Variants in PALS2 observed in about 807,000 individuals in gnomAD.
PALS2 encodes the protein protein associated with LIN7 2, MAGUK p55 family member, also known as protein PALS2.
PALS2 carries 27 observed loss-of-function variants against 61.6 expected under a neutral mutation model. That is an observed-to-expected ratio of 0.44 (90% confidence interval 0.32 to 0.60). The LOEUF is 0.60. Ranked by LOEUF, PALS2 falls within the 20% of genes least tolerant of loss-of-function variation. The pLI is 0.05. For missense variants in PALS2, 554 were observed against 639.4 expected, an observed-to-expected ratio of 0.87 and a Z score of 1.44; for synonymous variants, 236 against 218.6, an observed-to-expected ratio of 1.08 and a Z score of -0.70.
Position 24,596,297 on chromosome 7 carries a change from G to A in PALS2, c.-3+22704G>A, listed in dbSNP as rs1783521533. 6.6e-6 allele frequency among the ~76,000 whole-genome samples: 1 copy of A among 152,062 alleles called. No homozygotes were observed. The highest frequency in any genetic ancestry group is 2.4e-5 in the African/African-American group (1 of 41,406). On this transcript the variant is annotated intron_variant, in intron 1 of 11. Transcript: ENST00000222644. This position sits in a 1 kb window ranked among gnomAD's most constrained non-coding sequence, Gnocchi z 4.5. ...CAGTGAATGGGCAAGGGAGTCAGAT[G>A]GCTTTTCTTCAGTCACCTCCATTGT...
chr7:24,624,116 G>C (rs1004792045), intron 2 of PALS2: 6 of 1,311,914 alleles, frequency 4.6e-6, no homozygotes, highest in Non-Finnish European at 6.0e-6. Flanking sequence ...GCAAAGTACT[G>C]ATTTTCTTCT....
chr7:24,619,610 C>T (rs111304584), intron 1 of PALS2, among the ~76,000 whole-genome samples: 4 of 150,254 alleles, frequency 2.7e-5, no homozygotes, highest in South Asian at 4.2e-4. Context: ...CCCAGCTACT[C>T]GGGAGGCTGA....
Position 24,693,079 on chromosome 7 carries a change from T to A in PALS2, c.*5465T>A, listed in dbSNP as rs981197590. On this transcript the variant is annotated 3_prime_UTR_variant, in exon 12 of 12. Transcript: ENST00000222644. The stretch of plus-strand genomic sequence containing the variant: ...GAAGGGATAGTTCTCTTCCTTTTTT[T>A]CCCCTCCTACTGGCTCTTACTGTTT... 2 of 152,144 alleles carry A rather than the reference T, an allele frequency of 1.3e-5. No individual in the cohort carries two copies. Among genetic ancestry groups the A allele is most frequent in the Non-Finnish European group, 2.9e-5 (2 of 67,996 alleles). The allele number at this position is 152,144 out of a possible 1,614,324, so 9.4% of individuals were successfully genotyped here. A position where few individuals can be genotyped will look rare whatever the true frequency, so the allele number is the denominator to read the frequency against.
At chr7:24,649,342 G>T (rs537252332) in intron 3 of PALS2, among the ~76,000 whole-genome samples, 2 of 152,110 alleles carry the variant, frequency 1.3e-5, no homozygotes, top group Non-Finnish European at 2.9e-5. Flanking sequence ...TCAGTTTCCA[G>T]TGAACTTGCC....
At chr7:24,590,328 C>T (rs781530769) in intron 1 of PALS2, among the ~76,000 whole-genome samples, 27 of 152,066 alleles carry the variant, frequency 1.8e-4, no homozygotes, top group Admixed American at 2.6e-4. Flanking sequence ...GCTCTTGCTT[C>T]GCTGGGTTTT....
rs1050991960 is a variant in PALS2 at position 24,595,516 on chromosome 7, A to C, written c.-3+21923A>C. 3.0e-3 allele frequency among the ~76,000 whole-genome samples: 341 copies of C among 114,888 alleles called. 3 individuals are homozygous for C. Among genetic ancestry groups the C allele is most frequent in the Non-Finnish European group, 4.6e-3 (280 of 60,254 alleles). 75.4% of individuals were successfully genotyped at this position (114,888 alleles called of 152,430 possible). On this transcript the variant is annotated intron_variant, in intron 1 of 11. Coordinates refer to ENST00000222644, the MANE Select transcript of PALS2 (RefSeq NM_001303037.2). ...TATATTTTTAATATATATAATATAT[A>C]ATATATATAATATATAATATATAAT... is the stretch of plus-strand genomic sequence containing the variant.
At chr7:24,660,082 C>A (rs758830419) in intron 5 of PALS2, among the ~76,000 whole-genome samples, 1 of 152,162 alleles carries the variant, frequency 6.6e-6, no homozygotes, top group Non-Finnish European at 1.5e-5. Context: ...ATCTTCATTG[C>A]CTGATCTCGG....
At chr7:24,604,571 G>GA (rs1783830853) in intron 1 of PALS2, among the ~76,000 whole-genome samples, 1 of 152,162 alleles carries the variant, frequency 6.6e-6, no homozygotes, top group South Asian at 2.1e-4. Flanking sequence ...AAAAATATTT[G>GA]AAGTAATAGT....
chr7:24,574,179 C>T (rs1040444719), intron 1 of PALS2: 7 of 152,292 alleles, frequency 4.6e-5, no homozygotes, highest in African/African-American at 1.7e-4. Context: ...GCCGCTACTT[C>T]CGAGGTACGA....
chr7:24,604,624 AT>A (rs1451392607), intron 1 of PALS2, among the ~76,000 whole-genome samples: 1 of 152,218 alleles, frequency 6.6e-6, no homozygotes, highest in Non-Finnish European at 1.5e-5. Context: ...CTGGTAGAAA[AT>A]AAAACTTAAA....
chr7:24,582,233 A>G (rs1029401531), intron 1 of PALS2, among the ~76,000 whole-genome samples: 2 of 152,246 alleles, frequency 1.3e-5, no homozygotes, highest in Non-Finnish European at 2.9e-5. Flanking sequence ...TATAAAGAAT[A>G]TAACTCCCAT....
intron 1 of PALS2, chr7:24,574,133 C>G (rs1213752677): frequency 1.3e-5 from 2 of 152,296 alleles, no homozygotes; most frequent in Non-Finnish European, 2.9e-5. Flanking sequence ...CTCCCGAGCT[C>G]GGAGTTGGTA....
rs142938712 is a variant in PALS2, at chr7:24,649,693, A to T, written c.352A>T (p.Ile118Phe). The T allele has an allele frequency of 1.9e-6, 3 of 1,612,008 alleles. No homozygotes were observed. Reference protein sequence around the residue: ...PSSPEMNNSSINNQLLPVDAI... With the variant: ...PSSPEMNNSSFNNQLLPVDAI... ...AAGCCCAGAAATGAATAATTCTTCT[A>T]TCAATAATCAGTTATTACCAGTAGA... The change falls in exon 4 of 12, where the codon ATC (isoleucine) becomes TTC (phenylalanine). Residue 118 changes from isoleucine to phenylalanine, a missense_variant. Transcript: ENST00000222644.
At chr7:24,593,112 C>T (rs1325445262) in intron 1 of PALS2, among the ~76,000 whole-genome samples, 3 of 152,092 alleles carry the variant, frequency 2.0e-5, no homozygotes, top group Admixed American at 6.6e-5. Context: ...ATTCTAAATT[C>T]TTTGTTGTCA....
intron 6 of PALS2, among the ~76,000 whole-genome samples, chr7:24,665,293 T>C (rs568504248): frequency 1.7e-3 from 265 of 152,352 alleles, no homozygotes; most frequent in African/African-American, 5.8e-3. Flanking sequence ...TTATTTAGAA[T>C]AGCATTTTCC....
In PALS2 at chr7:24,687,264, GAC is replaced by G. The variant is rs1367942308; in HGVS notation, c.1447-172_1447-171del. Among the ~76,000 whole-genome samples the G allele has an allele frequency of 6.6e-6, 1 of 152,138 alleles. No individual in the cohort carries two copies. The highest frequency in any genetic ancestry group is 1.5e-5 in the Non-Finnish European group (1 of 68,018). ...ACATGAGTGTTGTTGGAAAGAATAA[GAC>G]ATGAACAGATGGCAGTGTTGTCTTT... is the stretch of plus-strand genomic sequence containing the variant. On this transcript the variant is annotated intron_variant, in intron 11 of 11. Coordinates refer to ENST00000222644, the MANE Select transcript of PALS2 (RefSeq NM_001303037.2). The surrounding 1 kb of genome is among the most constrained non-coding windows in gnomAD (Gnocchi z 4.5).
At chr7:24,616,124 G>T (rs1470178096) in intron 1 of PALS2, among the ~76,000 whole-genome samples, 1 of 152,126 alleles carries the variant, frequency 6.6e-6, no homozygotes, top group Non-Finnish European at 1.5e-5. Flanking sequence ...AGCTTTTCCT[G>T]TAAGGACTGG....
intron 5 of PALS2, among the ~76,000 whole-genome samples, chr7:24,659,101 A>G (rs1180009054): frequency 1.3e-5 from 2 of 152,182 alleles, no homozygotes; most frequent in Admixed American, 1.3e-4. Flanking sequence ...AGAACATGCA[A>G]TAATCTGGTT....
intron 11 of PALS2, among the ~76,000 whole-genome samples, chr7:24,683,218 C>A (rs1350839731): frequency 1.3e-5 from 2 of 152,104 alleles, no homozygotes; most frequent in African/African-American, 4.8e-5. Flanking sequence ...AACTAGAATT[C>A]TTAAGAAGAA....
Sources: gnomAD v4.1 joint callset for allele counts (sites outside exome capture counted in the v4.1 genomes callset) on GRCh38, gnomAD v4.1.1 for gene constraint, Gnocchi (gnomAD v3.1) non-coding constraint, MANE v1.5 for transcripts, NCBI Gene and HGNC (gene_info 2026-07-23, HGNC 2026-07-21) for gene names.